The following GRIP1 variants were observed in gnomAD, a reference collection of about 807,000 sequenced individuals.
GRIP1 encodes glutamate receptor-interacting protein 1.
Under a neutral mutation model 129.9 loss-of-function variants are expected in GRIP1, and 45 were observed. That is an observed-to-expected ratio of 0.35 (90% CI 0.27 to 0.44). The LOEUF is 0.44. GRIP1 is among the 20% of genes least tolerant of loss of function. The pLI, the probability that GRIP1 is intolerant of heterozygous loss-of-function variation, is 1.00. For synonymous variants in GRIP1, 530 were observed against 520.8 expected (o/e 1.02, Z -0.24); for missense variants, 1,196 against 1,396.8 (o/e 0.86, Z 2.29).
At chr12:66,525,950 A>C (rs2061219099) in intron 5 of GRIP1, among the ~76,000 whole-genome samples, 1 of 152,108 alleles carries the variant, frequency 6.6e-6, no homozygotes, top group African/African-American at 2.4e-5. Flanking sequence ...AAGAGAATAA[A>C]ATACCTAGGA....
At chr12:66,649,527 T>C (rs2032633422) in intron 1 of GRIP1, among the ~76,000 whole-genome samples, 1 of 152,220 alleles carries the variant, frequency 6.6e-6, no homozygotes, top group South Asian at 2.1e-4. Flanking sequence ...GATACAAAGA[T>C]GGGCTAGGCA....
chr12:67,058,869 C>A (rs1395230276), intron 1 of GRIP1, among the ~76,000 whole-genome samples: 4 of 152,030 alleles, frequency 2.6e-5, no homozygotes, highest in Admixed American at 2.6e-4. Context: ...TAAACCACTT[C>A]AGATAGGGAA....
chr12:66,988,502 C>T (rs1331870661), intron 1 of GRIP1, among the ~76,000 whole-genome samples: 1 of 152,110 alleles, frequency 6.6e-6, no homozygotes, highest in African/African-American at 2.4e-5. Context: ...ACTTCAGCCT[C>T]CAGAGTAGCT....
At chr12:66,790,526 T>A (rs12816491) in intron 1 of GRIP1, among the ~76,000 whole-genome samples, 33,396 of 152,098 alleles carry the variant, frequency 0.22, 4,410 homozygotes, top group Non-Finnish European at 0.31. Context: ...AACTATGGAC[T>A]ACCCCGGGTG....
chr12:66,994,798 A>G (rs1215718059), intron 1 of GRIP1, among the ~76,000 whole-genome samples: 1 of 151,916 alleles, frequency 6.6e-6, no homozygotes, highest in Admixed American at 6.6e-5. Flanking sequence ...TAAAATAATC[A>G]TTATCAAAAT....
At chr12:66,554,012 A>T (rs2062231565) in intron 2 of GRIP1, among the ~76,000 whole-genome samples, 1 of 152,142 alleles carries the variant, frequency 6.6e-6, no homozygotes, top group South Asian at 2.1e-4. Flanking sequence ...GGCAAGTCCT[A>T]GTGCTGTGCT....
chr12:66,503,453 G>C (rs2060445104), intron 7 of GRIP1, among the ~76,000 whole-genome samples: 1 of 152,112 alleles, frequency 6.6e-6, no homozygotes, highest in Non-Finnish European at 1.5e-5. Context: ...TAAAGCCCCA[G>C]GGTCAAGGTT....
chr12:66,834,177 CA>C (rs60054128), intron 1 of GRIP1, among the ~76,000 whole-genome samples: 28,752 of 93,914 alleles, frequency 0.31, 2,048 homozygotes, highest in Non-Finnish European at 0.33. Flanking sequence ...GACTTCATCT[CA>C]AAAAAAAAAA....
intron 1 of GRIP1, among the ~76,000 whole-genome samples, chr12:67,039,605 T>C (rs2043146482): frequency 6.6e-6 from 1 of 152,176 alleles, no homozygotes; most frequent in Admixed American, 6.5e-5. Context: ...ATTGGTTCTG[T>C]ACCATCAGGT....
intron 1 of GRIP1, among the ~76,000 whole-genome samples, chr12:66,946,768 G>GC (rs2041674414): frequency 8.8e-6 from 1 of 113,836 alleles, no homozygotes; most frequent in Admixed American, 8.0e-5. Flanking sequence ...GCGGGGGTCG[G>GC]GGGGTGGGGT....
chr12:66,476,871 C>G (rs1448581498), intron 7 of GRIP1, among the ~76,000 whole-genome samples: 1 of 152,256 alleles, frequency 6.6e-6, no homozygotes, highest in Non-Finnish European at 1.5e-5. Flanking sequence ...ATTGATGGGA[C>G]GTATCTAAAA....
chr12:66,756,272 A>G (rs2037285098), intron 1 of GRIP1, among the ~76,000 whole-genome samples: 1 of 152,102 alleles, frequency 6.6e-6, no homozygotes, highest in Non-Finnish European at 1.5e-5. Context: ...ACGTGAGTGC[A>G]ATCATATCAT....
rs182093909 is a variant in GRIP1, at chr12:67,058,272, A to G, written c.58+10778T>C. ...ATTCAGTACCTTTCTCAAATGATGA[A>G]CTGTGCCTTAAAAAGACATAAATCC... On this transcript the variant is annotated intron_variant, in intron 1 of 1. Transcript: ENST00000643019. Among the ~76,000 whole-genome samples the G allele has an allele frequency of 4.6e-5, 7 of 152,344 alleles. 1 individual carries two copies. In the East Asian group the frequency reaches 1.3e-3, roughly 29 times the overall value.
chr12:66,444,695 C>T lies in GRIP1; in HGVS notation c.1576G>A (p.Ala526Thr). ...TCTTCTGTTGGAATTCCATTGATGG[C>T]CATCACTCTGTCTCCAATCTGTAGC... Reference protein sequence around the residue: ...GVLQIGDRVMAINGIPTEDST... With the variant: ...GVLQIGDRVMTINGIPTEDST... The change falls in exon 13 of 25, where the codon GCC becomes ACC. Residue 526 changes from alanine (A) to threonine (T), a missense_variant. By Grantham distance (58) the Ala-to-Thr change is moderately conservative. Transcript: ENST00000359742. The T allele has an allele frequency of 6.2e-7, 1 of 1,613,876 alleles. No individual in the cohort carries two copies. Among genetic ancestry groups the T allele is most frequent in the Non-Finnish European group, 8.5e-7 (1 of 1,179,870 alleles).
At chr12:66,652,787 G>A (rs1293577473) in intron 1 of GRIP1, among the ~76,000 whole-genome samples, 1 of 152,130 alleles carries the variant, frequency 6.6e-6, no homozygotes, top group Non-Finnish European at 1.5e-5. Flanking sequence ...GTCTGGTCTG[G>A]CCTTTTAGAA....
intron 1 of GRIP1, among the ~76,000 whole-genome samples, chr12:66,889,325 G>T (rs904409870): frequency 1.3e-5 from 2 of 152,148 alleles, no homozygotes; most frequent in African/African-American, 4.8e-5. Flanking sequence ...GCCAGGCGTG[G>T]TGGCAGGGGC....
chr12:66,815,233 C>T (rs2039184912), intron 1 of GRIP1, among the ~76,000 whole-genome samples: 1 of 152,136 alleles, frequency 6.6e-6, no homozygotes, highest in African/African-American at 2.4e-5. Flanking sequence ...ACATTAGTGA[C>T]TCTCATGGAT....
chr12:66,393,199 G>A (rs1288390834), intron 17 of GRIP1, among the ~76,000 whole-genome samples: 2 of 57,160 alleles, frequency 3.5e-5, no homozygotes, highest in African/African-American at 1.2e-4. Context: ...TTTTTTTTGA[G>A]ACAGAGCCTC....
chr12:66,622,008 T>C (rs1449773009), intron 1 of GRIP1, among the ~76,000 whole-genome samples: 1 of 152,190 alleles, frequency 6.6e-6, no homozygotes, highest in South Asian at 2.1e-4. Context: ...TTGTCAGATA[T>C]ATGATCTGCA....
Sources: allele counts gnomAD v4.1 joint callset (sites outside exome capture counted in the v4.1 genomes callset), GRCh38; gene constraint gnomAD v4.1.1; transcripts MANE v1.5; gene names NCBI Gene and HGNC (gene_info 2026-07-23, HGNC 2026-07-21).